Variants in IMPG1 observed in about 807,000 individuals in gnomAD.
IMPG1 encodes interphotoreceptor matrix proteoglycan of 150 kDa.
IMPG1 carries 85 observed loss-of-function variants against 92.0 expected under a neutral mutation model. The observed-to-expected ratio is 0.92, with a 90% CI of 0.78 to 1.11. IMPG1 has a LOEUF of 1.11. Among genes scored for constraint, IMPG1 ranks in the 50% least tolerant of loss-of-function variants. IMPG1 has a pLI of 0.00. For synonymous variants in IMPG1, 367 were observed against 334.1 expected (o/e 1.10, Z -1.08); for missense variants, 1,022 against 956.0 (o/e 1.07, Z -0.91).
chr6:76,006,215 A>G (rs538557306), intron 9 of IMPG1, among the ~76,000 whole-genome samples: 442 of 151,972 alleles, frequency 2.9e-3, no homozygotes, highest in Non-Finnish European at 3.6e-3. Flanking sequence ...TGCCGTGCCA[A>G]TCAGGAAGAA....
intron 12 of IMPG1, among the ~76,000 whole-genome samples, chr6:75,974,371 CTTTCTTTCTTTCTTTCTTTCTT>C (rs1782483760): frequency 6.7e-5 from 6 of 89,266 alleles, no homozygotes; most frequent in African/African-American, 2.5e-4. Context: ...TTCTTTCTTT[CTTTCTTTCTTTCTTTCTTTCTT>C]TTCTTTCTTT....
intron 1 of IMPG1, among the ~76,000 whole-genome samples, chr6:76,067,700 C>T (rs976579664): frequency 1.3e-5 from 2 of 152,102 alleles, no homozygotes; most frequent in African/African-American, 4.8e-5. Context: ...AAGCCAGTGT[C>T]ACCCTGATAC....
At chr6:76,020,305 G>C (rs1286185277) in intron 6 of IMPG1, among the ~76,000 whole-genome samples, 1 of 152,070 alleles carries the variant, frequency 6.6e-6, no homozygotes, top group African/African-American at 2.4e-5. Flanking sequence ...CTCCTATGTT[G>C]GTCTCCCAAG....
intron 14 of IMPG1, among the ~76,000 whole-genome samples, chr6:75,945,882 G>T (rs2765803): frequency 0.11 from 16,243 of 152,200 alleles, 1,035 homozygotes; most frequent in Middle Eastern, 0.18. Context: ...GCACACCTGG[G>T]TTATCCCTTG....
chr6:75,964,019 A>G (rs969787176), intron 12 of IMPG1, among the ~76,000 whole-genome samples: 1 of 152,196 alleles, frequency 6.6e-6, no homozygotes, highest in Non-Finnish European at 1.5e-5. Context: ...AAAACTTGGG[A>G]GGAAAGGCTG....
intron 5 of IMPG1, among the ~76,000 whole-genome samples, chr6:76,023,027 A>T (rs192041918): frequency 2.4e-3 from 361 of 152,298 alleles, no homozygotes; most frequent in African/African-American, 8.4e-3. Flanking sequence ...AGTATGTGGT[A>T]CCTGGGAATC....
At chr6:76,031,786 A>T (rs1783656646) in intron 4 of IMPG1, among the ~76,000 whole-genome samples, 1 of 152,226 alleles carries the variant, frequency 6.6e-6, no homozygotes. Flanking sequence ...CAAGAAGAAT[A>T]GTTAGTAAAA....
At chr6:76,042,180 T>C (rs1783856478) in intron 1 of IMPG1, 54 bp from the exon 2 acceptor site, 8 of 902,546 alleles carry the variant, frequency 8.9e-6, no homozygotes, top group Non-Finnish European at 1.3e-5. Context: ...GTGTTATATG[T>C]GACATATATG....
Position 75,921,906 on chromosome 6 carries a change from C to T in IMPG1, c.*183G>A. 2.3e-6 allele frequency: 1 copy of T among 434,616 alleles called. No homozygotes were observed. The highest frequency in any genetic ancestry group is 4.1e-6 in the Non-Finnish European group (1 of 243,274). 26.9% of individuals were successfully genotyped at this position (434,616 alleles called of 1,614,324 possible). ...AATAATAAGTAAGTGTCTTTTTCTT[C>T]AGAATTTACTGGTTGCCAAGTACAT... On this transcript the variant is annotated 3_prime_UTR_variant, in exon 17 of 17. Transcript: ENST00000369950.
chr6:76,062,896 G>C (rs2794290), intron 1 of IMPG1, among the ~76,000 whole-genome samples: 140,669 of 151,102 alleles, frequency 0.93, 66,320 homozygotes, highest in East Asian at 1. Context: ...TAACTGGAGA[G>C]AATGGATGCC....
intron 14 of IMPG1, among the ~76,000 whole-genome samples, chr6:75,935,213 G>C (rs1781724810): frequency 6.6e-6 from 1 of 152,224 alleles, no homozygotes; most frequent in Non-Finnish European, 1.5e-5. Context: ...GGGAAGCGAG[G>C]TCTGCAAGGG....
At chr6:76,011,831 C>G (rs917962867) in intron 7 of IMPG1, among the ~76,000 whole-genome samples, 1 of 145,654 alleles carries the variant, frequency 6.9e-6, no homozygotes, top group African/African-American at 2.5e-5. Context: ...TGAGAATATG[C>G]GGTGTTTGGT....
intron 4 of IMPG1, among the ~76,000 whole-genome samples, chr6:76,026,750 C>A (rs1302281394): frequency 2.0e-5 from 3 of 152,066 alleles, no homozygotes; most frequent in African/African-American, 4.8e-5. Flanking sequence ...CTGCAGTTAA[C>A]CTTTAAAGTT....
intron 7 of IMPG1, among the ~76,000 whole-genome samples, chr6:76,012,044 C>T (rs1192142160): frequency 7.0e-6 from 1 of 142,240 alleles, no homozygotes; most frequent in East Asian, 1.9e-4. Context: ...TGGAAATTAT[C>T]TATAATGTGA....
At chr6:75,923,785 T>G in intron 15 of IMPG1, 79 bp from the exon 16 acceptor site, 2 of 813,320 alleles carry the variant, frequency 2.5e-6, no homozygotes, top group Non-Finnish European at 2.0e-6. Flanking sequence ...TTCTACTGTT[T>G]TAGTTTTAAC....
At chr6:76,013,685 A>G (rs1783231660) in intron 7 of IMPG1, among the ~76,000 whole-genome samples, 1 of 151,872 alleles carries the variant, frequency 6.6e-6, no homozygotes, top group Non-Finnish European at 1.5e-5. Context: ...CATCTAGCAG[A>G]TTGTCATACA....
chr6:76,003,115 C>T (rs1783029215), intron 11 of IMPG1, 119 bp from the exon 12 acceptor site: 1 of 694,602 alleles, frequency 1.4e-6, no homozygotes, highest in South Asian at 1.6e-5. Flanking sequence ...TTGTTGTTGA[C>T]TTGAATCTAC....
intron 7 of IMPG1, 100 bp downstream of exon 7, chr6:76,018,618 A>T (rs549037113): frequency 3.3e-5 from 35 of 1,063,246 alleles, no homozygotes; most frequent in Middle Eastern, 5.2e-4. Flanking sequence ...CATGAATGCC[A>T]GGAGAAGCTG....
intron 1 of IMPG1, among the ~76,000 whole-genome samples, chr6:76,046,305 GA>G (rs67266149): frequency 0.13 from 20,136 of 151,552 alleles, 1,759 homozygotes; most frequent in East Asian, 0.32. Context: ...TATGAATTAA[GA>G]AAAAAATATA....
Sources: allele counts gnomAD v4.1 joint callset (sites outside exome capture counted in the v4.1 genomes callset), GRCh38; gene constraint gnomAD v4.1.1; transcripts MANE v1.5; gene names NCBI Gene and HGNC (gene_info 2026-07-23, HGNC 2026-07-21).